Variants in DAPK3 observed in about 807,000 individuals in gnomAD.
DAPK3 encodes the protein death associated protein kinase 3, also known as death-associated protein kinase 3.
DAPK3 carries 24 observed loss-of-function variants against 30.6 expected under a neutral mutation model. The ratio of observed to expected loss-of-function variants is 0.78; its 90% confidence interval spans 0.57 to 1.10. The LOEUF is 1.10. DAPK3 is among the 50% of genes least tolerant of loss of function. The pLI is 0.00. For synonymous variants in DAPK3, 341 were observed against 284.0 expected (o/e 1.20, Z -2.02); for missense variants, 629 against 657.3 (o/e 0.96, Z 0.47).
chr19:3,969,935 C>G (rs1351077000), intron 1 of DAPK3, 106 bp from the exon 2 acceptor site: 2 of 577,342 alleles, frequency 3.5e-6, no homozygotes, highest in Non-Finnish European at 6.1e-6. Flanking sequence ...CACCTCTCCA[C>G]TCTGAAGCTC....
chr19:3,959,093 CA>C lies in DAPK3; in HGVS notation c.*7del, dbSNP rs1317571777. ...GGCTGTCCTGGGGCCTGGCCCACCCCACTGCGCCTAGCGCAGCCCGCACTCC... is the reference window on the plus strand; with the variant it reads ...GGCTGTCCTGGGGCCTGGCCCACCCCCTGCGCCTAGCGCAGCCCGCACTCC... On this transcript the variant is annotated 3_prime_UTR_variant, in exon 9 of 9. Coordinates refer to ENST00000545797, the MANE Select transcript of DAPK3 (RefSeq NM_001348.3). The C allele has an allele frequency of 1.3e-6, 2 of 1,502,246 alleles. No homozygotes were observed. Among genetic ancestry groups the C allele is most frequent in the East Asian group, 4.8e-5 (2 of 41,570 alleles). 93.1% of individuals were successfully genotyped at this position (1,502,246 alleles called of 1,614,324 possible).
In DAPK3 at chr19:3,959,754, G is replaced by A. The variant is rs890583831; in HGVS notation, c.829-117C>T. On this transcript the variant is annotated intron_variant, in intron 8 of 8. Transcript: ENST00000545797. ...CATCCGGCAGCAGAGTCAACGCCTC[G>A]TGACGGAGACTGCCCAGCCCGACGC... 8 of 1,204,852 alleles carry A rather than the reference G, an allele frequency of 6.6e-6. No individual in the cohort carries two copies. The East Asian group carries it at 1.3e-4, about 19-fold the overall frequency. The allele number at this position is 1,204,852 out of a possible 1,614,324, so 74.6% of individuals were successfully genotyped here.
chr19:3,965,004 G>A lies in DAPK3; in HGVS notation c.63-13C>T. On this transcript the variant is annotated splice_polypyrimidine_tract_variant and intron_variant, in intron 2 of 8. Transcript: ENST00000545797. ...CGCAAACTGGCCGCTGGAGGAGGGG[G>A]AGGGAGTGAGTGGGGGTGGAGGAGG... 6.5e-7 allele frequency: 1 copy of A among 1,539,594 alleles called. No homozygotes were observed. The highest frequency in any genetic ancestry group is 1.1e-5 in the South Asian group (1 of 88,732).
chr19:3,965,050 GGCTGGCTC>G, intron 2 of DAPK3, 59 bp from the exon 3 acceptor site: 1 of 920,090 alleles, frequency 1.1e-6, no homozygotes, highest in Non-Finnish European at 1.7e-6. Flanking sequence ...AAGTGGGGGT[GGCTGGCTC>G]CCCGTCACCT....
Position 3,963,876 on chromosome 19 carries a change from G to T in DAPK3, c.597C>A (p.Asp199Glu). 6.3e-7 allele frequency: 1 copy of T among 1,595,870 alleles called. No homozygotes were observed. Among genetic ancestry groups the T allele is most frequent in the Non-Finnish European group, 8.6e-7 (1 of 1,165,326 alleles). Reference sequence around the variant, plus strand: ...GGAGCAGGTGGTACACTCACCACATGTCCGCCTCCAGGCCCAGCGGCTCAT... The same window carrying T: ...GGAGCAGGTGGTACACTCACCACATTTCCGCCTCCAGGCCCAGCGGCTCAT... ...VNYEPLGLEA[D>E]MWSIGVITYI... Residue 199 changes from aspartate to glutamate, a missense_variant, in exon 5 of 9, where the codon GAC becomes GAA. By Grantham distance (45) the Asp-to-Glu change is conservative. Transcript: ENST00000545797.
At chr19:3,968,107 C>T (rs2039596681) in intron 2 of DAPK3, among the ~76,000 whole-genome samples, 1 of 152,234 alleles carries the variant, frequency 6.6e-6, no homozygotes, top group African/African-American at 2.4e-5. Context: ...GAATTACAGG[C>T]GGAAGCCGCC....
rs373539990 is a variant in DAPK3, at chr19:3,963,663, G to A, written c.609C>T (p.Ile203=). ...CTCACAGGATATAGGTGATGACACC[G>A]ATGCTCCTGGGGACAGACAAGAGGC... The part of the protein sequence containing the change: ...PLGLEADMWS[I]GVITYILLSG... The change falls in exon 6 of 9, where the codon ATC becomes ATT. Residue 203 remains isoleucine (I), a synonymous_variant. Transcript: ENST00000545797. 2.6e-5 allele frequency: 40 copies of A among 1,533,922 alleles called. No individual in the cohort carries two copies. Among genetic ancestry groups the A allele is most frequent in the African/African-American group, 1.3e-4 (9 of 71,998 alleles).
At chr19:3,959,914 G>T in intron 8 of DAPK3, 145 bp downstream of exon 8, 2 of 694,468 alleles carry the variant, frequency 2.9e-6, no homozygotes, top group Non-Finnish European at 5.1e-6. Context: ...CCCAACCCCC[G>T]CCACACAGGC....
intron 2 of DAPK3, among the ~76,000 whole-genome samples, chr19:3,968,747 A>G (rs974397325): frequency 6.6e-6 from 1 of 152,212 alleles, no homozygotes; most frequent in Admixed American, 6.5e-5. Context: ...GGATCCCAAA[A>G]GAGCCTGCAG....
In DAPK3 at chr19:3,964,244, C is replaced by G. The variant is rs1202135950; in HGVS notation, c.553G>C (p.Ala185Pro). ...GGCTGCCCACTGGGCAGGGCCTCAC[C>G]CACAAACTCCGGGGTGCCGAAGATG... is the stretch of plus-strand genomic sequence containing the variant. ...KNIFGTPEFV[A>P]PEIVNYEPLG... The change falls in exon 4 of 9, where the codon GCC (alanine) becomes CCC (proline). Residue 185 changes from alanine (A) to proline (P), a missense_variant and splice_region_variant. Around this residue, in one of 2 missense-constraint regions of DAPK3, gnomAD observed 306 missense variants for 378.5 expected, o/e 0.81. Transcript: ENST00000545797. 6.2e-7 allele frequency: 1 copy of G among 1,609,400 alleles called. No individual in the cohort carries two copies. The highest frequency in any genetic ancestry group is 2.2e-5 in the East Asian group (1 of 44,700).
chr19:3,960,179 AC>A, intron 7 of DAPK3, 75 bp from the exon 8 acceptor site: 1 of 823,768 alleles, frequency 1.2e-6, no homozygotes, highest in Non-Finnish European at 2.1e-6. Context: ...GACTCCCGGG[AC>A]CCCCAAAAGC....
At chr19:3,966,972 C>T (rs2039584082) in intron 2 of DAPK3, among the ~76,000 whole-genome samples, 1 of 152,180 alleles carries the variant, frequency 6.6e-6, no homozygotes, top group South Asian at 2.1e-4. Flanking sequence ...CTGAGCCCAC[C>T]CTCTTCGCTT....
Position 3,959,494 on chromosome 19 carries a change from G to T in DAPK3, c.972C>A (p.Arg324=). ...PPNNSYADFE[R]FSKVLEEAAA... The stretch of plus-strand genomic sequence containing the variant: ...CCGCCTCCTCCAGCACCTTGGAGAA[G>T]CGCTCGAAGTCGGCGTAGCTGTTGT... The change falls in exon 9 of 9, where the codon CGC becomes CGA. Residue 324 remains arginine (R), a synonymous_variant. Coordinates refer to ENST00000545797, the MANE Select transcript of DAPK3 (RefSeq NM_001348.3). The T allele has an allele frequency of 1.3e-6, 2 of 1,556,514 alleles. No homozygotes were observed. The highest frequency in any genetic ancestry group is 1.7e-6 in the Non-Finnish European group (2 of 1,158,300).
At chr19:3,965,061 C>A in intron 2 of DAPK3, 70 bp from the exon 3 acceptor site, 3 of 806,630 alleles carry the variant, frequency 3.7e-6, no homozygotes, top group South Asian at 1.5e-5. Flanking sequence ...GCTGGCTCCC[C>A]GTCACCTCCA....
Position 3,964,888 on chromosome 19 carries a change from C to T in DAPK3, c.166G>A (p.Val56Met), listed in dbSNP as rs781566656. The T allele has an allele frequency of 1.2e-6, 2 of 1,611,598 alleles. No homozygotes were observed. Among genetic ancestry groups the T allele is most frequent in the African/African-American group, 1.3e-5 (1 of 74,994 alleles). Reference sequence around the variant, plus strand: ...TCCCGCTCGATCTCCTCCCGGCTCACCCCACGCCGGCTGGATGACAGGCGG... The same window carrying T: ...TCCCGCTCGATCTCCTCCCGGCTCATCCCACGCCGGCTGGATGACAGGCGG... ...KRRLSSSRRG[V>M]SREEIEREVN... Residue 56 changes from valine (V) to methionine (M), a missense_variant, in exon 3 of 9, where the codon GTG (valine) becomes ATG (methionine). This residue lies in a region of DAPK3 where 306 missense variants were observed against 378.5 expected (regional missense o/e 0.81). Transcript: ENST00000545797.
intron 6 of DAPK3, 93 bp from the exon 7 acceptor site, chr19:3,961,254 G>A: frequency 1.9e-6 from 2 of 1,052,674 alleles, no homozygotes; most frequent in Non-Finnish European, 2.9e-6. Flanking sequence ...GAGCACAGAA[G>A]ACAGGCTGAC....
chr19:3,964,568 T>TGCCCC, intron 3 of DAPK3, 63 bp downstream of exon 3: 108 of 1,321,010 alleles, frequency 8.2e-5, no homozygotes, highest in Non-Finnish European at 1.0e-4. Context: ...TCCAGGCTCT[T>TGCCCC]CCCCGCCCCA....
At chr19:3,960,232 G>A in intron 7 of DAPK3, 128 bp from the exon 8 acceptor site, 2 of 653,112 alleles carry the variant, frequency 3.1e-6, no homozygotes, top group South Asian at 3.7e-5. Flanking sequence ...AACCACAGAA[G>A]CTGAACAAGG....
Position 3,959,431 on chromosome 19 carries a change from G to T in DAPK3, c.1035C>A (p.Ser345Arg). ...CCACGTCCTCGTGGCAGAGCCGCCG[G>T]CTGCGCTGCAGCTCGCGCAGGCCCT... ...AEEGLRELQR[S>R]RRLCHEDVEA... is the part of the protein sequence containing the mutation. The change falls in exon 9 of 9, where the codon AGC (serine) becomes AGA (arginine). Residue 345 changes from serine to arginine, a missense_variant. By Grantham distance (110) the Ser-to-Arg change is moderately radical. Coordinates refer to ENST00000545797, the MANE Select transcript of DAPK3 (RefSeq NM_001348.3). 6.4e-7 allele frequency: 1 copy of T among 1,551,966 alleles called. No homozygotes were observed. Among genetic ancestry groups the T allele is most frequent in the Non-Finnish European group, 8.7e-7 (1 of 1,155,484 alleles).
Sources: gnomAD v4.1 joint callset for allele counts (sites outside exome capture counted in the v4.1 genomes callset) on GRCh38, gnomAD v4.1.1 for gene constraint, gnomAD v4.1.1 regional missense constraint, MANE v1.5 for transcripts, NCBI Gene and HGNC (gene_info 2026-07-23, HGNC 2026-07-21) for gene names.